MARCHF1: variants seen among roughly 807,000 people sequenced by gnomAD.
MARCHF1 encodes membrane associated ring-CH-type finger 1.
A neutral mutation model predicts 54.2 loss-of-function variants in MARCHF1; 40 were observed. The ratio of observed to expected loss-of-function variants is 0.74; its 90% CI spans 0.57 to 0.96. The LOEUF (loss-of-function observed/expected upper bound fraction) is 0.96. Among genes scored for constraint, MARCHF1 ranks in the 40% least tolerant of loss-of-function variants. The pLI is 0.00. For missense variants in MARCHF1, 586 were observed against 656.5 expected (o/e 0.89, Z 1.17); for synonymous variants, 236 against 236.3 (o/e 1.00, Z 0.01).
intron 3 of MARCHF1, among the ~76,000 whole-genome samples, chr4:163,934,983 T>C (rs1170986254): frequency 6.6e-6 from 1 of 152,060 alleles, no homozygotes; most frequent in Non-Finnish European, 1.5e-5. Context: ...GCAGCTACAG[T>C]ACAGCCTTAA....
At chr4:164,255,842 G>T (rs1231495785) in intron 1 of MARCHF1, among the ~76,000 whole-genome samples, 1 of 151,972 alleles carries the variant, frequency 6.6e-6, no homozygotes, top group Admixed American at 6.6e-5. Flanking sequence ...GAAATTAATA[G>T]ACCAAATACC....
chr4:164,046,428 T>C (rs1579488088), intron 2 of MARCHF1, among the ~76,000 whole-genome samples: 2 of 152,212 alleles, frequency 1.3e-5, no homozygotes, highest in Non-Finnish European at 2.9e-5. Flanking sequence ...CTTTGATGAA[T>C]TGATAAAAAT....
chr4:163,801,674 C>T (rs1212083791), intron 4 of MARCHF1, among the ~76,000 whole-genome samples: 2 of 152,062 alleles, frequency 1.3e-5, no homozygotes. Flanking sequence ...TTTTCCCCTT[C>T]CCAGTCAATT....
In MARCHF1 at chr4:163,875,749, C is replaced by A. The variant is rs568028573; in HGVS notation, c.-38-21580G>T. On this transcript the variant is annotated intron_variant, in intron 3 of 9. Transcript: ENST00000514618. ...TTTGCAAATTGTTAAGACTCTCATG[C>A]AACAATACAACGAGGTCAGGTTAAT... 1.1e-3 allele frequency among the ~76,000 whole-genome samples: 166 copies of A among 152,234 alleles called. 1 individual carries two copies. Among genetic ancestry groups the A allele is most frequent in the African/African-American group, 3.8e-3 (157 of 41,560 alleles).
chr4:163,603,166 ATT>A (rs3085765), intron 7 of MARCHF1, among the ~76,000 whole-genome samples: 2 of 151,636 alleles, frequency 1.3e-5, no homozygotes, highest in East Asian at 1.9e-4. Context: ...GGGAAGTGTA[ATT>A]TTTTTTTCTC....
At chr4:163,881,906 G>C (rs1750426667) in intron 3 of MARCHF1, among the ~76,000 whole-genome samples, 1 of 152,128 alleles carries the variant, frequency 6.6e-6, no homozygotes, top group Admixed American at 6.5e-5. Context: ...ATTCCTTCAA[G>C]AAGAAAGTGC....
chr4:164,197,817 C>T (rs1560949996), intron 1 of MARCHF1: 2 of 1,548,606 alleles, frequency 1.3e-6, no homozygotes, highest in East Asian at 4.6e-5. Flanking sequence ...CAACCAGCTC[C>T]GCTCGGTTCT....
intron 1 of MARCHF1, among the ~76,000 whole-genome samples, chr4:164,181,766 G>C (rs1231899655): frequency 6.6e-6 from 1 of 152,106 alleles, no homozygotes; most frequent in East Asian, 1.9e-4. Flanking sequence ...TTCTTCCTTA[G>C]ATTTATGATC....
intron 1 of MARCHF1, among the ~76,000 whole-genome samples, chr4:164,153,457 T>C (rs1040268151): frequency 3.3e-5 from 5 of 152,114 alleles, no homozygotes; most frequent in Admixed American, 6.6e-5. Context: ...GTTTGAAATA[T>C]TGAAAATTAG....
chr4:163,573,919 A>G (rs1437321281), intron 8 of MARCHF1, among the ~76,000 whole-genome samples: 1 of 149,900 alleles, frequency 6.7e-6, no homozygotes, highest in Non-Finnish European at 1.5e-5. Context: ...ACTAGTTTAC[A>G]GTCCCACCAA....
chr4:163,864,498 T>TA (rs1268013276), intron 3 of MARCHF1, among the ~76,000 whole-genome samples: 4 of 151,900 alleles, frequency 2.6e-5, no homozygotes, highest in Non-Finnish European at 4.4e-5. Context: ...GAGATGCTGC[T>TA]AAAAAATTGG....
chr4:164,222,501 T>C (rs1732143300), intron 1 of MARCHF1, among the ~76,000 whole-genome samples: 1 of 152,014 alleles, frequency 6.6e-6, no homozygotes, highest in African/African-American at 2.4e-5. Context: ...GTAAAAATGA[T>C]AAGCCCTGTT....
Position 164,033,979 on chromosome 4 carries a change from G to A in MARCHF1, c.-247-45270C>T, listed in dbSNP as rs901360209. On this transcript the variant is annotated intron_variant, in intron 2 of 9. Coordinates refer to ENST00000514618, the MANE Select transcript of MARCHF1 (RefSeq NM_001394959.1). Reference sequence around the variant, plus strand: ...ATTATCAAGATACATGCATGTATACGTTTTCTGCAGCACTATTCACAATAG... The same window carrying A: ...ATTATCAAGATACATGCATGTATACATTTTCTGCAGCACTATTCACAATAG... Among the ~76,000 whole-genome samples, 12 of 152,146 alleles carry A rather than the reference G, an allele frequency of 7.9e-5. 1 individual carries two copies. Among genetic ancestry groups the A allele is most frequent in the Admixed American group, 6.6e-4 (10 of 15,260 alleles).
chr4:164,206,106 G>A (rs1024510192), intron 1 of MARCHF1, among the ~76,000 whole-genome samples: 3 of 144,734 alleles, frequency 2.1e-5, no homozygotes, highest in Non-Finnish European at 4.5e-5. Context: ...TCCCATCCCC[G>A]AGTTATCTTT....
intron 2 of MARCHF1, among the ~76,000 whole-genome samples, chr4:164,072,034 CAA>C (rs1033671514): frequency 1.4e-5 from 2 of 138,838 alleles, no homozygotes; most frequent in African/African-American, 2.6e-5. Flanking sequence ...ACATAGAAAC[CAA>C]AAAAAAAAAG....
chr4:164,052,140 T>G (rs890201337), intron 2 of MARCHF1, among the ~76,000 whole-genome samples: 1 of 71,270 alleles, frequency 1.4e-5, no homozygotes, highest in Non-Finnish European at 3.8e-5. Context: ...TGGAAGTTTT[T>G]TTTTTTGTTT....
chr4:163,937,532 C>G (rs1751824445), intron 3 of MARCHF1, among the ~76,000 whole-genome samples: 1 of 151,686 alleles, frequency 6.6e-6, no homozygotes, highest in South Asian at 2.1e-4. Flanking sequence ...ATATATAACA[C>G]ATGCATGCAT....
chr4:163,531,120 C>CCTAA (rs146087325), intron 9 of MARCHF1, among the ~76,000 whole-genome samples: 1,653 of 151,934 alleles, frequency 0.011, 25 homozygotes, highest in African/African-American at 0.036. Context: ...GATAATACTT[C>CCTAA]CTAACTAATC....
rs1398656755 is a variant in MARCHF1 at position 163,612,920 on chromosome 4, T to A, written c.361A>T (p.Arg121Trp). ...TCATATCTCTCAGAGGCTTTTCTCC[T>A]CCTCCTAGGTCTTTGTATTACTGAT... ...KKSVIQRPRR[R>W]RKASERYEHA... Residue 121 changes from arginine (R) to tryptophan (W), a missense_variant, in exon 7 of 10, where the codon AGG (arginine) becomes TGG (tryptophan). By Grantham distance (101) the Arg-to-Trp change is moderately radical (BLOSUM62 -3). This residue lies in a region of MARCHF1 where 387 missense variants were observed against 394.6 expected (regional missense o/e 0.98). Coordinates refer to ENST00000514618, the MANE Select transcript of MARCHF1 (RefSeq NM_001394959.1). The A allele has an allele frequency of 6.5e-7, 1 of 1,535,332 alleles. No homozygotes were observed. The highest frequency in any genetic ancestry group is 2.0e-5 in the Admixed American group (1 of 50,936).
Sources: allele counts gnomAD v4.1 joint callset (sites outside exome capture counted in the v4.1 genomes callset), GRCh38; gene constraint gnomAD v4.1.1; regional missense constraint gnomAD v4.1.1; transcripts MANE v1.5; gene names NCBI Gene and HGNC (gene_info 2026-07-23, HGNC 2026-07-21).